Variants in PDE4B observed in about 807,000 individuals in gnomAD.
PDE4B encodes phosphodiesterase 4B, also known as 3',5'-cyclic-AMP phosphodiesterase 4B.
Under a neutral mutation model 82.2 loss-of-function variants are expected in PDE4B, and 20 were observed. The ratio of observed to expected loss-of-function variants is 0.24; its 90% CI spans 0.17 to 0.35. PDE4B has a LOEUF of 0.35. PDE4B is among the 10% of genes least tolerant of loss of function. The pLI, the probability that PDE4B is intolerant of heterozygous loss-of-function variation, is 1.00. For missense variants in PDE4B, 655 were observed against 907.2 expected, an observed-to-expected ratio of 0.72 and a Z score of 3.57; for synonymous variants, 320 against 318.9, an observed-to-expected ratio of 1.00 and a Z score of -0.04.
At chr1:65,929,105 G>A (rs900037969) in intron 3 of PDE4B, among the ~76,000 whole-genome samples, 9 of 152,058 alleles carry the variant, frequency 5.9e-5, no homozygotes, top group Admixed American at 4.6e-4. Context: ...CTAGGGGCCC[G>A]CCGGGACTTT....
intron 3 of PDE4B, among the ~76,000 whole-genome samples, chr1:65,966,529 C>A (rs1317583569): frequency 2.0e-5 from 3 of 152,136 alleles, no homozygotes; most frequent in Non-Finnish European, 4.4e-5. Flanking sequence ...ACTTTCCTCA[C>A]AGAATTAGAA....
intron 3 of PDE4B, among the ~76,000 whole-genome samples, chr1:66,210,245 A>G (rs192675751): frequency 6.6e-6 from 1 of 152,256 alleles, no homozygotes; most frequent in East Asian, 1.9e-4. Flanking sequence ...CATAGTCACC[A>G]CTGTCAGTCA....
intron 3 of PDE4B, among the ~76,000 whole-genome samples, chr1:66,056,946 T>C (rs1275652984): frequency 6.6e-6 from 1 of 152,248 alleles, no homozygotes; most frequent in Non-Finnish European, 1.5e-5. Context: ...TTTAAGTCAC[T>C]AACTTTGCAG....
intron 3 of PDE4B, among the ~76,000 whole-genome samples, chr1:65,946,887 A>C (rs564830564): frequency 6.6e-6 from 1 of 152,018 alleles, no homozygotes; most frequent in Non-Finnish European, 1.5e-5. Flanking sequence ...TCTGCTGAAC[A>C]TTGTGATTCT....
chr1:66,370,023 T>C lies in PDE4B; in HGVS notation c.1845+1054T>C, dbSNP rs551347864. Among the ~76,000 whole-genome samples, 28 of 151,740 alleles carry C rather than the reference T, an allele frequency of 1.8e-4. No homozygotes were observed. In the South Asian group the frequency reaches 5.0e-3, roughly 27 times the overall value. The stretch of plus-strand genomic sequence containing the variant: ...AAAATTGGTCGAGCATGGTAGTGTG[T>C]GCCTGTAGTCCCAGCTACTCGGGAA... On this transcript the variant is annotated intron_variant, in intron 16 of 16. Coordinates refer to ENST00000341517, the MANE Select transcript of PDE4B (RefSeq NM_002600.4).
chr1:65,854,773 G>T (rs888440518), intron 1 of PDE4B, among the ~76,000 whole-genome samples: 3 of 151,774 alleles, frequency 2.0e-5, no homozygotes, highest in African/African-American at 4.8e-5. Context: ...TTTAGCTTTT[G>T]TAAAAGTATT....
intron 3 of PDE4B, among the ~76,000 whole-genome samples, chr1:66,032,453 G>T (rs1259345000): frequency 6.6e-6 from 1 of 151,996 alleles, no homozygotes; most frequent in Non-Finnish European, 1.5e-5. Context: ...ACATTTAAAG[G>T]GATACTTTAT....
intron 3 of PDE4B, among the ~76,000 whole-genome samples, chr1:65,959,830 T>C (rs1649456615): frequency 6.6e-6 from 1 of 152,102 alleles, no homozygotes; most frequent in African/African-American, 2.4e-5. Flanking sequence ...GTAATTTTGA[T>C]AGTTGAGTTC....
chr1:66,189,490 C>T (rs533364811), intron 3 of PDE4B, among the ~76,000 whole-genome samples: 1 of 152,176 alleles, frequency 6.6e-6, no homozygotes, highest in African/African-American at 2.4e-5. Context: ...TAGATTTGGC[C>T]TTTTCACATA....
chr1:65,868,918 C>A (rs947269333), intron 1 of PDE4B, among the ~76,000 whole-genome samples: 1 of 152,190 alleles, frequency 6.6e-6, no homozygotes, highest in Non-Finnish European at 1.5e-5. Flanking sequence ...CCTGAAACCA[C>A]CTCCCTCCCA....
chr1:66,070,330 T>C (rs1236257648), intron 3 of PDE4B, among the ~76,000 whole-genome samples: 1 of 151,864 alleles, frequency 6.6e-6, no homozygotes, highest in Non-Finnish European at 1.5e-5. Flanking sequence ...AGTCTGTAAC[T>C]ATATGGAGGA....
chr1:65,966,493 A>G (rs942268306), intron 3 of PDE4B, among the ~76,000 whole-genome samples: 1 of 152,216 alleles, frequency 6.6e-6, no homozygotes, highest in Non-Finnish European at 1.5e-5. Context: ...TACAGATTCA[A>G]TGCTATTCCC....
At chr1:66,141,324 GAGA>G (rs1646165062) in intron 3 of PDE4B, among the ~76,000 whole-genome samples, 1 of 66,210 alleles carries the variant, frequency 1.5e-5, no homozygotes, top group African/African-American at 7.6e-5. Context: ...AGAAAGCTTT[GAGA>G]ATATATATAT....
At chr1:66,332,116 C>T (rs1660156568) in intron 7 of PDE4B, 3 of 1,240,544 alleles carry the variant, frequency 2.4e-6, no homozygotes, top group Non-Finnish European at 3.0e-6. Context: ...ACATCACATA[C>T]CCTAAAGAAC....
intron 3 of PDE4B, among the ~76,000 whole-genome samples, chr1:65,932,355 A>G (rs1317976683): frequency 1.3e-5 from 2 of 152,034 alleles, no homozygotes; most frequent in East Asian, 3.9e-4. Flanking sequence ...CCCCAATATC[A>G]CTTCTATTGG....
intron 7 of PDE4B, among the ~76,000 whole-genome samples, chr1:66,290,199 T>C (rs566478838): frequency 6.6e-6 from 1 of 152,006 alleles, no homozygotes; most frequent in South Asian, 2.1e-4. Context: ...CTAGAAGGGG[T>C]GAAGGGCAGT....
At chr1:65,885,028 A>G (rs1046283309) in intron 1 of PDE4B, among the ~76,000 whole-genome samples, 2 of 152,226 alleles carry the variant, frequency 1.3e-5, no homozygotes, top group Middle Eastern at 3.4e-3. Context: ...AAAACAAACA[A>G]CCCCATCAAA....
intron 3 of PDE4B, among the ~76,000 whole-genome samples, chr1:65,974,202 T>C (rs1650290126): frequency 6.6e-6 from 1 of 152,170 alleles, no homozygotes; most frequent in Non-Finnish European, 1.5e-5. Flanking sequence ...TCCTTACATG[T>C]GGCGATAATA....
At chr1:66,178,855 T>G (rs1320714622) in intron 3 of PDE4B, among the ~76,000 whole-genome samples, 1 of 152,170 alleles carries the variant, frequency 6.6e-6, no homozygotes. Context: ...CTTAACTTTT[T>G]TTTTCTTTTT....
Sources: allele counts gnomAD v4.1 joint callset (sites outside exome capture counted in the v4.1 genomes callset), GRCh38; gene constraint gnomAD v4.1.1; transcripts MANE v1.5; gene names NCBI Gene and HGNC (gene_info 2026-07-23, HGNC 2026-07-21).